PBX3: variants seen among roughly 807,000 people sequenced by gnomAD.
The protein encoded by PBX3 is PBX homeobox 3.
Under a neutral mutation model 48.5 loss-of-function variants are expected in PBX3, and 14 were observed. The ratio of observed to expected loss-of-function variants is 0.29; its 90% CI spans 0.19 to 0.45. PBX3 has a LOEUF of 0.45. Among genes scored for constraint, PBX3 ranks in the 20% least tolerant of loss-of-function variants. PBX3 has a pLI of 1.00. For synonymous variants in PBX3, 210 were observed against 200.3 expected (o/e 1.05, Z -0.41); for missense variants, 386 against 546.7 (o/e 0.71, Z 2.93).
chr9:125,802,541 G>A (rs939943801), intron 2 of PBX3, among the ~76,000 whole-genome samples: 3 of 151,554 alleles, frequency 2.0e-5, no homozygotes, highest in Admixed American at 6.6e-5. Context: ...GCTAATTTTC[G>A]TATTTTTTGT....
intron 2 of PBX3, among the ~76,000 whole-genome samples, chr9:125,839,543 C>T (rs1055634901): frequency 2.4e-4 from 37 of 152,156 alleles, no homozygotes; most frequent in African/African-American, 8.4e-4. Flanking sequence ...GATGTAACTT[C>T]TTCACAATAA....
intron 5 of PBX3, among the ~76,000 whole-genome samples, chr9:125,935,828 C>T (rs757872700): frequency 6.6e-6 from 1 of 152,126 alleles, no homozygotes; most frequent in Non-Finnish European, 1.5e-5. Context: ...ACCCCCATTC[C>T]CCAGTGTAAA....
chr9:125,772,269 G>A (rs578038681), intron 2 of PBX3, among the ~76,000 whole-genome samples: 52 of 152,244 alleles, frequency 3.4e-4, no homozygotes, highest in Non-Finnish European at 5.7e-4. Context: ...TCCAATCTTG[G>A]ATGATTGACA....
intron 2 of PBX3, among the ~76,000 whole-genome samples, chr9:125,891,184 T>C (rs930951693): frequency 1.3e-5 from 2 of 152,240 alleles, no homozygotes; most frequent in African/African-American, 4.8e-5. Flanking sequence ...AAATGAACTA[T>C]TTTCAAAAAC....
At chr9:125,823,017 C>G (rs1016719420) in intron 2 of PBX3, among the ~76,000 whole-genome samples, 1 of 150,192 alleles carries the variant, frequency 6.7e-6, no homozygotes, top group Non-Finnish European at 1.5e-5. Context: ...TTTACTTTGT[C>G]AGAACCTCCC....
intron 2 of PBX3, among the ~76,000 whole-genome samples, chr9:125,833,218 A>G (rs9969756): frequency 0.64 from 97,039 of 151,890 alleles, 31,454 homozygotes; most frequent in East Asian, 0.76. Flanking sequence ...AGGCGTGGTG[A>G]CTCATGCCTG....
chr9:125,813,247 C>T (rs1838348432), intron 2 of PBX3, among the ~76,000 whole-genome samples: 1 of 151,042 alleles, frequency 6.6e-6, no homozygotes, highest in African/African-American at 2.5e-5. Context: ...ATTCTATAAC[C>T]TTTTTATTAA....
chr9:125,801,772 T>C (rs1412971795), intron 2 of PBX3, among the ~76,000 whole-genome samples: 3 of 142,106 alleles, frequency 2.1e-5, no homozygotes, highest in Non-Finnish European at 3.0e-5. Flanking sequence ...TAAATGTTTA[T>C]ATGAACATGT....
At chr9:125,758,127 C>G (rs1260490817) in intron 2 of PBX3, among the ~76,000 whole-genome samples, 2 of 152,102 alleles carry the variant, frequency 1.3e-5, no homozygotes, top group Non-Finnish European at 2.9e-5. Context: ...TACTGAATGC[C>G]TGAAAATGAA....
chr9:125,825,377 TA>T (rs1838778342), intron 2 of PBX3, among the ~76,000 whole-genome samples: 1 of 152,212 alleles, frequency 6.6e-6, no homozygotes, highest in Non-Finnish European at 1.5e-5. Context: ...TTAAAAATTT[TA>T]TTAGTTTATT....
At chr9:125,865,469 A>T (rs1451083643) in intron 2 of PBX3, among the ~76,000 whole-genome samples, 1 of 152,168 alleles carries the variant, frequency 6.6e-6, no homozygotes, top group African/African-American at 2.4e-5. Flanking sequence ...GCTTCATTAG[A>T]TAGATGAAAA....
intron 2 of PBX3, among the ~76,000 whole-genome samples, chr9:125,806,951 A>C (rs141728363): frequency 7.4e-4 from 112 of 152,294 alleles, no homozygotes; most frequent in African/African-American, 2.6e-3. Context: ...TATAAGACAG[A>C]CTCCTAGGGG....
At chr9:125,752,076 A>G (rs1836391562) in intron 2 of PBX3, among the ~76,000 whole-genome samples, 1 of 152,224 alleles carries the variant, frequency 6.6e-6, no homozygotes, top group Admixed American at 6.5e-5. Context: ...AAAAATAAAC[A>G]CAACCTTTTC....
intron 2 of PBX3, among the ~76,000 whole-genome samples, chr9:125,762,017 CAT>C (rs1279573336): frequency 2.0e-5 from 3 of 152,176 alleles, no homozygotes; most frequent in Non-Finnish European, 2.9e-5. Context: ...CAGTATAGGA[CAT>C]ATGATTACAG....
intron 2 of PBX3, among the ~76,000 whole-genome samples, chr9:125,752,468 C>G (rs1315317905): frequency 6.6e-6 from 1 of 152,130 alleles, no homozygotes; most frequent in African/African-American, 2.4e-5. Context: ...GTATAGTTTA[C>G]AAGTGAGGTT....
chr9:125,779,851 C>T (rs1837195375), intron 2 of PBX3, among the ~76,000 whole-genome samples: 1 of 115,740 alleles, frequency 8.6e-6, no homozygotes, highest in Non-Finnish European at 1.8e-5. Flanking sequence ...CAGAGGCGCC[C>T]CTCACCTCCC....
At chr9:125,750,170 C>T (rs2131943741) in intron 2 of PBX3, among the ~76,000 whole-genome samples, 1 of 152,322 alleles carries the variant, frequency 6.6e-6, no homozygotes, top group South Asian at 2.1e-4. Flanking sequence ...TATCAGGGCT[C>T]CACTTCAGTT....
chr9:125,954,966 T>G (rs2118784629), intron 5 of PBX3, among the ~76,000 whole-genome samples: 1 of 152,360 alleles, frequency 6.6e-6, no homozygotes, highest in Admixed American at 6.5e-5. Context: ...GGAATAACAC[T>G]GTTTACAACT....
chr9:125,946,582 A>G (rs1190636365), intron 5 of PBX3, among the ~76,000 whole-genome samples: 2 of 152,230 alleles, frequency 1.3e-5, no homozygotes, highest in African/African-American at 4.8e-5. Flanking sequence ...TTAAGAACCC[A>G]GTGGATTGGG....
Sources: allele counts gnomAD v4.1 joint callset (sites outside exome capture counted in the v4.1 genomes callset), GRCh38; gene constraint gnomAD v4.1.1; transcripts MANE v1.5; gene names NCBI Gene and HGNC (gene_info 2026-07-23, HGNC 2026-07-21).